MYOCOS: variants seen among roughly 807,000 people sequenced by gnomAD.
MYOCOS encodes myocilin opposite strand protein.
chr1:171,625,651 G>A (rs1652678994), intron 2 of MYOCOS, among the ~76,000 whole-genome samples: 1 of 152,214 alleles, frequency 6.6e-6, no homozygotes, highest in African/African-American at 2.4e-5. Context: ...AGCAGAAGGG[G>A]AGGCGAACCC....
At chr1:171,608,244 C>T (rs1375107978) in intron 1 of MYOCOS, among the ~76,000 whole-genome samples, 1 of 152,028 alleles carries the variant, frequency 6.6e-6, no homozygotes, top group Non-Finnish European at 1.5e-5. Context: ...GTTTATTAGG[C>T]CTGCCCTTGA....
chr1:171,604,576 G>A (rs1652208835), intron 1 of MYOCOS, among the ~76,000 whole-genome samples: 1 of 152,132 alleles, frequency 6.6e-6, no homozygotes. Context: ...TGGTCATTCT[G>A]TAAGTGACAC....
chr1:171,606,876 G>A (rs868823574), intron 1 of MYOCOS, among the ~76,000 whole-genome samples: 2 of 152,002 alleles, frequency 1.3e-5, no homozygotes, highest in African/African-American at 4.8e-5. Flanking sequence ...GGTGGATCAC[G>A]AGGTCTGGAG....
upstream of MYOCOS, among the ~76,000 whole-genome samples, chr1:171,619,046 C>T (rs57258263): frequency 0.046 from 7,073 of 152,266 alleles, 502 homozygotes; most frequent in African/African-American, 0.16. Flanking sequence ...TTAGTAACGA[C>T]ATCTTGTAGT....
intron 1 of MYOCOS, among the ~76,000 whole-genome samples, chr1:171,608,711 A>G (rs764943313): frequency 2.0e-5 from 3 of 151,808 alleles, no homozygotes; most frequent in African/African-American, 2.4e-5. Context: ...GTGAGCCACC[A>G]CGCCCGGCTA....
chr1:171,602,956 T>C lies in MYOCOS; in HGVS notation c.-252+1876T>C, dbSNP rs899425730. 3.9e-5 allele frequency among the ~76,000 whole-genome samples: 6 copies of C among 152,238 alleles called. No homozygotes were observed. The East Asian group carries it at 7.7e-4, about 19-fold the overall frequency. Reference sequence around the variant, plus strand: ...TGCACGTTATAAAAAGCAATTGTTATGCTTGTGCACATGGCAGGCCAGAGG... The same window carrying C: ...TGCACGTTATAAAAAGCAATTGTTACGCTTGTGCACATGGCAGGCCAGAGG... On this transcript the variant is annotated intron_variant, in intron 1 of 3. Transcript: ENST00000636697.
At chr1:171,620,117 C>A (rs1241023602), upstream of MYOCOS, among the ~76,000 whole-genome samples, 2 of 147,890 alleles carry the variant, frequency 1.4e-5, no homozygotes, top group Non-Finnish European at 3.0e-5. Flanking sequence ...ATATATATAT[C>A]TCCTATTAGT....
chr1:171,625,948 TGAG>T (rs978071237), intron 2 of MYOCOS, among the ~76,000 whole-genome samples: 20 of 152,316 alleles, frequency 1.3e-4, no homozygotes, highest in Admixed American at 1.2e-3. Flanking sequence ...GAGCTCACTC[TGAG>T]GAGAGCTGAC....
intron 2 of MYOCOS, among the ~76,000 whole-genome samples, chr1:171,625,814 G>A (rs898206595): frequency 6.6e-6 from 1 of 152,174 alleles, no homozygotes; most frequent in African/African-American, 2.4e-5. Flanking sequence ...AGTAGGGGAT[G>A]GAGAAAGCTA....
At position 171,626,685 on chromosome 1, in the gene MYOCOS, G is replaced by A. The variant is rs74122884; in HGVS notation, c.*84G>A. ...GGCATTCTTGAGGTTTGTCTTAGAA[G>A]ACTCTTGAAGATCTTTGTTCTTTCC... is the stretch of plus-strand genomic sequence containing the variant. On this transcript the variant is annotated 3_prime_UTR_variant, in exon 3 of 3. Transcript: ENST00000637642. 6.3e-4 allele frequency: 249 copies of A among 397,990 alleles called. No homozygotes were observed. Among genetic ancestry groups the A allele is most frequent in the African/African-American group, 4.8e-3 (234 of 48,734 alleles). The allele number at this position is 397,990 out of a possible 1,614,324, so 24.7% of individuals were successfully genotyped here. A position where few individuals can be genotyped will look rare whatever the true frequency, so the allele number is the denominator to read the frequency against.
chr1:171,616,410 C>T (rs975798812), intron 2 of MYOCOS, among the ~76,000 whole-genome samples: 2 of 151,874 alleles, frequency 1.3e-5, no homozygotes, highest in African/African-American at 4.8e-5. Context: ...TGTGGTGGTG[C>T]ACACCTGTAA....
At chr1:171,618,910 T>TTTTTGACATGAGTATC (rs1652501311), upstream of MYOCOS, among the ~76,000 whole-genome samples, 2 of 152,186 alleles carry the variant, frequency 1.3e-5, no homozygotes, top group South Asian at 2.1e-4. Context: ...GTATCCCCCT[T>TTTTTGACATGAGTATC]TTTTGACATG....
chr1:171,603,108 G>A (rs1248977862), intron 1 of MYOCOS, among the ~76,000 whole-genome samples: 1 of 152,162 alleles, frequency 6.6e-6, no homozygotes, highest in Non-Finnish European at 1.5e-5. Flanking sequence ...GCTATATCCC[G>A]AAGTCCCTGC....
intron 1 of MYOCOS, among the ~76,000 whole-genome samples, chr1:171,603,940 AG>A (rs552730609): frequency 0.011 from 1,659 of 152,338 alleles, 31 homozygotes; most frequent in African/African-American, 0.038. Flanking sequence ...GGACACCATT[AG>A]CTAATGAATG....
At chr1:171,604,636 A>T (rs1652209624) in intron 1 of MYOCOS, among the ~76,000 whole-genome samples, 1 of 152,152 alleles carries the variant, frequency 6.6e-6, no homozygotes, top group African/African-American at 2.4e-5. Context: ...CAAAAATGTA[A>T]CCTTAAAATT....
rs145150923 is a variant in MYOCOS at position 171,626,503 on chromosome 1, C to T, written c.145C>T (p.His49Tyr). 1.3e-3 allele frequency: 530 copies of T among 398,634 alleles called. No individual in the cohort carries two copies. Among genetic ancestry groups the T allele is most frequent in the Admixed American group, 2.9e-3 (66 of 22,728 alleles). 24.7% of individuals were successfully genotyped at this position (398,634 alleles called of 1,614,324 possible). Residue 49 changes from histidine (H) to tyrosine (Y), a missense_variant, in exon 3 of 3, where the codon CAC becomes TAC. His to Tyr is a moderately conservative substitution (Grantham distance 83). Coordinates refer to ENST00000637642, the MANE Select transcript of MYOCOS (RefSeq NM_001391940.1). ...KSDEAKEMLS[H>Y]LDLEQAPPPH... The stretch of plus-strand genomic sequence containing the variant: ...TGATGAAGCTAAGGAGATGCTCTCC[C>T]ACTTGGATTTGGAGCAAGCCCCTCC...
At chr1:171,622,201 T>C (rs924948491), upstream of MYOCOS, 1 of 152,176 alleles carries the variant, frequency 6.6e-6, no homozygotes, top group African/African-American at 2.4e-5. Flanking sequence ...TAGGTCACAA[T>C]GTGTTTACTA....
chr1:171,620,664 TA>T (rs78530237), upstream of MYOCOS, among the ~76,000 whole-genome samples: 58,856 of 151,820 alleles, frequency 0.39, 12,032 homozygotes, highest in East Asian at 0.5. Flanking sequence ...CAACCAATTG[TA>T]AAAAAGAAAA....
chr1:171,608,274 A>G (rs532294764), intron 1 of MYOCOS, among the ~76,000 whole-genome samples: 1 of 152,306 alleles, frequency 6.6e-6, no homozygotes, highest in South Asian at 2.1e-4. Context: ...ATAGTGGAGT[A>G]TAAAATTGGA....
Sources: allele counts gnomAD v4.1 joint callset (sites outside exome capture counted in the v4.1 genomes callset), GRCh38; gene constraint gnomAD v4.1.1; transcripts MANE v1.5; gene names NCBI Gene and HGNC (gene_info 2026-07-23, HGNC 2026-07-21).